Variants in GSDMD observed in about 807,000 individuals in gnomAD.
GSDMD encodes the protein gasdermin D.
In GSDMD, 46 loss-of-function variants were observed where a neutral mutation model predicts 46.7. The observed-to-expected ratio is 0.99, with a 90% confidence interval of 0.78 to 1.26. The LOEUF (loss-of-function observed/expected upper bound fraction) is 1.26. Among genes scored for constraint, GSDMD ranks in the 50% most tolerant of loss-of-function variants. The pLI is 0.00. For synonymous variants in GSDMD, 307 were observed against 283.1 expected (o/e 1.08, Z -0.85); for missense variants, 649 against 638.8 (o/e 1.02, Z -0.17).
rs976432060 is a variant in GSDMD at position 143,561,173 on chromosome 8, A to T, written c.682+69A>T. ...GAAACAGGGAGGCCTGGGGAGAGCTACCCGCCAGCTTGGGCTGCCGTGGGC... is the reference window on the plus strand; with the variant it reads ...GAAACAGGGAGGCCTGGGGAGAGCTTCCCGCCAGCTTGGGCTGCCGTGGGC... On this transcript the variant is annotated intron_variant, in intron 5 of 10. Transcript: ENST00000262580. The T allele has an allele frequency of 3.2e-5, 47 of 1,466,474 alleles. No homozygotes were observed. In the Admixed American group the frequency reaches 8.5e-4, roughly 26 times the overall value. 90.8% of individuals were successfully genotyped at this position (1,466,474 alleles called of 1,614,324 possible). A position where few individuals can be genotyped will look rare whatever the true frequency, so the allele number is the denominator to read the frequency against.
At chr8:143,562,381 G>T in intron 9 of GSDMD, 31 bp downstream of exon 9, 1 of 1,543,000 alleles carries the variant, frequency 6.5e-7, no homozygotes, top group South Asian at 1.2e-5. Flanking sequence ...GGTGGCGGGT[G>T]GGAGGGAGGG....
At chr8:143,561,129 G>C (rs771124924) in intron 5 of GSDMD, 25 bp downstream of exon 5, 2 of 1,599,358 alleles carry the variant, frequency 1.3e-6, no homozygotes, top group Non-Finnish European at 1.7e-6. Flanking sequence ...GGGGTGTCTC[G>C]GGCCCAGGCC....
Position 143,562,779 on chromosome 8 carries a change from G to A in GSDMD, c.1330G>A (p.Glu444Lys), listed in dbSNP as rs377609261. Residue 444 changes from glutamate to lysine, a missense_variant, in exon 11 of 11, where the codon GAG (glutamate) becomes AAG (lysine). Transcript: ENST00000262580. ...AGCACCGGCCTGGGTCTTGCTGGAC[G>A]AGTGTGGCCTAGAGCTGGGGGAGGA... ...EGAPAWVLLD[E>K]CGLELGEDTP... 78 of 1,593,846 alleles carry A rather than the reference G, an allele frequency of 4.9e-5. No homozygotes were observed. The highest frequency in any genetic ancestry group is 6.0e-5 in the Non-Finnish European group (70 of 1,170,730).
chr8:143,562,308 G>A lies in GSDMD; in HGVS notation c.1096G>A (p.Glu366Lys). The A allele has an allele frequency of 7.1e-7, 1 of 1,416,240 alleles. No homozygotes were observed. The highest frequency in any genetic ancestry group is 9.4e-7 in the Non-Finnish European group (1 of 1,063,556). 87.7% of individuals were successfully genotyped at this position (1,416,240 alleles called of 1,614,324 possible). A position where few individuals can be genotyped will look rare whatever the true frequency, so the allele number is the denominator to read the frequency against. ...LVLSSGMLVPELAIPVVYLLG... is the reference protein window; with the variant it reads ...LVLSSGMLVPKLAIPVVYLLG... ...GTTGTCCTCCGGAATGCTGGTGCCG[G>A]AACTCGCTATCCCTGTTGTCTACCT... The change falls in exon 9 of 11, where the codon GAA becomes AAA. Residue 366 changes from glutamate to lysine, a missense_variant. Transcript: ENST00000262580.
In GSDMD at chr8:143,560,770, A is replaced by G. The variant is rs532113693; in HGVS notation, c.578A>G (p.Gln193Arg). 2 of 1,540,072 alleles carry G rather than the reference A, an allele frequency of 1.3e-6. No individual in the cohort carries two copies. Among genetic ancestry groups the G allele is most frequent in the East Asian group, 2.4e-5 (1 of 41,010 alleles). Residue 193 changes from glutamine (Q) to arginine (R), a missense_variant and splice_region_variant, in exon 4 of 11, where the codon CAG (glutamine) becomes CGG (arginine). By Grantham distance (43) the Gln-to-Arg change is conservative. Transcript: ENST00000262580. ...TCCCTGCCCGGAGCCACGTGCTTGC[A>G]GGTGTGTAGCCAGCCCCGGGCCACG... The part of the protein sequence containing the change: ...RFSLPGATCL[Q>R]GEGQGHLSQK...
At chr8:143,553,402 G>A, upstream of GSDMD, 1 of 145,772 alleles carries the variant, frequency 6.9e-6, no homozygotes, top group Non-Finnish European at 1.5e-5. Context: ...TTGGAGCCCC[G>A]CCGCCCGCCG....
chr8:143,557,642 G>A (rs910818339), upstream of GSDMD, among the ~76,000 whole-genome samples: 2 of 152,250 alleles, frequency 1.3e-5, no homozygotes, highest in Non-Finnish European at 1.5e-5. Context: ...ATTCCAGAGG[G>A]CCGCACGGGT....
rs371816989 is a variant in GSDMD, at chr8:143,562,460, C to T, written c.1151C>T (p.Thr384Met). ...GACTCTCTCCCAGTGCTGAGTGAAACGCAGCACAAGCTGCTGGCGGAGGCG... is the reference window on the plus strand; with the variant it reads ...GACTCTCTCCCAGTGCTGAGTGAAATGCAGCACAAGCTGCTGGCGGAGGCG... The part of the protein sequence containing the change: ...LLGALTMLSE[T>M]QHKLLAEALE... The change falls in exon 10 of 11, where the codon ACG becomes ATG. Residue 384 changes from threonine to methionine, a missense_variant. Thr to Met is a moderately conservative substitution (Grantham distance 81). Transcript: ENST00000262580. 1.2e-5 allele frequency: 19 copies of T among 1,608,814 alleles called. No homozygotes were observed. In the Admixed American group the frequency reaches 1.7e-4, roughly 14 times the overall value.
rs1823435179 is a variant in GSDMD, at chr8:143,560,716, C to T, written c.524C>T (p.Thr175Ile). Residue 175 changes from threonine to isoleucine, a missense_variant, in exon 4 of 11, where the codon ACC becomes ATC. Coordinates refer to ENST00000262580, the MANE Select transcript of GSDMD (RefSeq NM_024736.7). ...QTQKEVEVTR[T>I]HKREGSGRFS... ...CAGAAGGAGGTGGAAGTCACGCGCA[C>T]CCACAAGCGGGAGGGCTCGGGCCGG... 1 of 1,575,162 alleles carries T rather than the reference C, an allele frequency of 6.3e-7. No homozygotes were observed. The highest frequency in any genetic ancestry group is 8.6e-7 in the Non-Finnish European group (1 of 1,160,456).
At chr8:143,554,184 G>A (rs1199696801), upstream of GSDMD, among the ~76,000 whole-genome samples, 1 of 151,170 alleles carries the variant, frequency 6.6e-6, no homozygotes, top group Non-Finnish European at 1.5e-5. Flanking sequence ...CACGGGCGTG[G>A]CACCGGCTGC....
Position 143,562,227 on chromosome 8 carries a change from C to G in GSDMD, c.1015C>G (p.Leu339Val). ...CCCACAGCTGGAGCAGGGCCAGAGC[C>G]TTGGGCCGGTGGAGCCCCTGGACGG... ...LEEALEQGQS[L>V]GPVEPLDGPA... Residue 339 changes from leucine (L) to valine (V), a missense_variant, in exon 9 of 11, where the codon CTT (leucine) becomes GTT (valine). Coordinates refer to ENST00000262580, the MANE Select transcript of GSDMD (RefSeq NM_024736.7). The G allele has an allele frequency of 6.4e-7, 1 of 1,570,870 alleles. No individual in the cohort carries two copies. Among genetic ancestry groups the G allele is most frequent in the South Asian group, 1.1e-5 (1 of 87,460 alleles).
intron 3 of GSDMD, 47 bp from the exon 4 acceptor site, chr8:143,560,556 C>G (rs1823428384): frequency 6.6e-7 from 1 of 1,521,454 alleles, no homozygotes; most frequent in Non-Finnish European, 8.9e-7. Context: ...AGGGAAGACG[C>G]CTTCAGGGGC....
chr8:143,559,790 C>A lies in GSDMD; in HGVS notation c.231C>A (p.Gly77=). 1 of 1,600,912 alleles carries A rather than the reference C, an allele frequency of 6.2e-7. No homozygotes were observed. The highest frequency in any genetic ancestry group is 1.1e-5 in the South Asian group (1 of 89,048). The change falls in exon 3 of 11, where the codon GGC becomes GGA. Residue 77 remains glycine (G), a synonymous_variant. Transcript: ENST00000262580. ...PDAAEPDVQR[G]RSFHFYDAMD... ...GCCTTGCTTTAGACGTGCAGCGTGG[C>A]AGGAGCTTCCACTTCTACGATGCCA...
rs753348515 is a variant in GSDMD, at chr8:143,562,886, G to C, written c.1437G>C (p.Leu479=). Residue 479 remains leucine (L), a synonymous_variant, in exon 11 of 11, where the codon CTG becomes CTC. Transcript: ENST00000262580. The part of the protein sequence containing the change: ...LYASLALLSG[L]SQEPH The stretch of plus-strand genomic sequence containing the variant: ...CCTCCCTGGCACTGCTATCAGGACT[G>C]AGCCAGGAGCCCCACTAGCCTGTGC... The C allele has an allele frequency of 6.2e-7, 1 of 1,612,186 alleles. No individual in the cohort carries two copies. The highest frequency in any genetic ancestry group is 1.1e-5 in the South Asian group (1 of 91,054).
chr8:143,559,280 T>TGGCCCCCCC, intron 1 of GSDMD, 52 bp from the exon 2 acceptor site: 25 of 579,426 alleles, frequency 4.3e-5, no homozygotes, highest in Middle Eastern at 4.7e-4. Flanking sequence ...CTTCTCCCAC[T>TGGCCCCCCC]CCCTCCCGCC....
rs749245645 is a variant in GSDMD, at chr8:143,559,482, C to T, written c.147C>T (p.Phe49=). Reference sequence around the variant, plus strand: ...TTAGGAAGCCCTCAAGCTCATGGTTCTGGAAACCCCGTTATAAGTGTGTCA... The same window carrying T: ...TTAGGAAGCCCTCAAGCTCATGGTTTTGGAAACCCCGTTATAAGTGTGTCA... ...LVVRKPSSSW[F]WKPRYKCVNL... Residue 49 remains phenylalanine (F), a synonymous_variant, in exon 2 of 11, where the codon TTC becomes TTT. Coordinates refer to ENST00000262580, the MANE Select transcript of GSDMD (RefSeq NM_024736.7). The T allele has an allele frequency of 6.2e-7, 1 of 1,612,928 alleles. No homozygotes were observed. The highest frequency in any genetic ancestry group is 1.1e-5 in the South Asian group (1 of 91,088).
chr8:143,560,909 C>A, intron 4 of GSDMD, 93 bp from the exon 5 acceptor site: 2 of 1,449,128 alleles, frequency 1.4e-6, no homozygotes, highest in Non-Finnish European at 1.9e-6. Flanking sequence ...GCCGAAGTCA[C>A]CTGGCGGCGG....
upstream of GSDMD, chr8:143,558,312 G>A (rs572891001): frequency 3.1e-4 from 470 of 1,519,386 alleles, 1 homozygote; most frequent in East Asian, 7.3e-3. Context: ...GGACGGTTCC[G>A]GGAGGGCGTC....
chr8:143,561,475 C>T (rs764912576), intron 6 of GSDMD, 52 bp downstream of exon 6: 1 of 1,559,708 alleles, frequency 6.4e-7, no homozygotes, highest in East Asian at 2.3e-5. Flanking sequence ...AAGCACACTC[C>T]CTGGGCAGTT....
Sources: allele counts gnomAD v4.1 joint callset (sites outside exome capture counted in the v4.1 genomes callset), GRCh38; gene constraint gnomAD v4.1.1; transcripts MANE v1.5; gene names NCBI Gene and HGNC (gene_info 2026-07-23, HGNC 2026-07-21).